OPHN1: variants seen among roughly 807,000 people sequenced by gnomAD.
OPHN1 encodes the protein oligophrenin 1, also known as oligophrenin-1.
A neutral mutation model predicts 60.7 loss-of-function variants in OPHN1; 11 were observed. The ratio of observed to expected loss-of-function variants is 0.18; its 90% CI spans 0.11 to 0.30. OPHN1 has a LOEUF of 0.30. OPHN1 is among the 10% of genes least tolerant of loss of function. The pLI is 1.00. For missense variants in OPHN1, 449 were observed against 611.0 expected (o/e 0.73, Z 2.80); for synonymous variants, 226 against 222.6 (o/e 1.02, Z -0.14).
chrX:68,186,880 C>T (rs2077464903), intron 15 of OPHN1, among the ~76,000 whole-genome samples: 1 of 111,594 alleles, frequency 9.0e-6, no homozygotes, highest in Admixed American at 9.5e-5. Context: ...CCAAATTACT[C>T]CACAAAGGCC....
intron 15 of OPHN1, among the ~76,000 whole-genome samples, chrX:68,190,626 C>T (rs2077483943): frequency 1.8e-5 from 2 of 111,854 alleles, no homozygotes; most frequent in African/African-American, 6.5e-5. Flanking sequence ...TTGAAGGAGC[C>T]ACTTCAGTCC....
intron 15 of OPHN1, among the ~76,000 whole-genome samples, chrX:68,191,461 G>A (rs1468796124): frequency 8.9e-6 from 1 of 111,984 alleles, no homozygotes; most frequent in Non-Finnish European, 1.9e-5. Context: ...GCATAGAGGT[G>A]CTAGTAAAAA....
chrX:68,290,623 A>C (rs1236041639), intron 3 of OPHN1, among the ~76,000 whole-genome samples: 2 of 108,969 alleles, frequency 1.8e-5, no homozygotes, highest in African/African-American at 6.7e-5. Context: ...GAAAGGGAAA[A>C]AAAAGCGACA....
chrX:68,105,909 A>G (rs771196404), intron 18 of OPHN1, among the ~76,000 whole-genome samples: 53 of 111,083 alleles, frequency 4.8e-4, no homozygotes, highest in African/African-American at 1.7e-3. Flanking sequence ...AAACACCTAT[A>G]AAAGGCCACT....
At chrX:68,166,472 T>G (rs1467714738) in intron 15 of OPHN1, among the ~76,000 whole-genome samples, 2 of 111,449 alleles carry the variant, frequency 1.8e-5, no homozygotes. Context: ...AGGCAGAGGT[T>G]GCAGTGAGCC....
upstream of OPHN1, chrX:68,433,749 G>T: frequency 3.4e-6 from 1 of 297,671 alleles, no homozygotes; most frequent in Non-Finnish European, 5.9e-6. Flanking sequence ...GCAATGAAAC[G>T]TAGCCTCGCT....
At chrX:68,079,981 T>C (rs776282774) in intron 19 of OPHN1, among the ~76,000 whole-genome samples, 1 of 111,715 alleles carries the variant, frequency 9.0e-6, no homozygotes, top group East Asian at 2.8e-4. Context: ...TGTCTCTCTA[T>C]GATTATAATA....
intron 15 of OPHN1, among the ~76,000 whole-genome samples, chrX:68,138,603 C>G (rs757912708): frequency 4.5e-5 from 5 of 111,826 alleles, no homozygotes; most frequent in Non-Finnish European, 7.5e-5. Context: ...CTGGCTATAC[C>G]GTACAAGACA....
intron 2 of OPHN1, among the ~76,000 whole-genome samples, chrX:68,356,883 A>G (rs2078443702): frequency 1.8e-5 from 2 of 111,594 alleles, no homozygotes; most frequent in South Asian, 3.8e-4. Flanking sequence ...CCAGTCACGA[A>G]AAACCTCGTG....
rs2078893204 is a variant in OPHN1, at chrX:68,432,943, C to G, written c.78G>C (p.Glu26Asp). The change falls in exon 2 of 25, where the codon GAG becomes GAC. Residue 26 changes from glutamate to aspartate, a missense_variant. Glu to Asp is a conservative substitution (Grantham distance 45, BLOSUM62 2). Transcript: ENST00000355520. ...ATTTGTTGGTCCTCTCCAGTTCCTG[C>G]TCATAACACTTGAGCCTCTCGCGGA... Reference protein sequence around the residue: ...PDFRERLKCYEQELERTNKFI... With the variant: ...PDFRERLKCYDQELERTNKFI... 1 of 1,210,264 alleles carries G rather than the reference C, an allele frequency of 8.3e-7. No individual in the cohort carries two copies. Among genetic ancestry groups the G allele is most frequent in the Non-Finnish European group, 1.1e-6 (1 of 894,965 alleles).
intron 5 of OPHN1, among the ~76,000 whole-genome samples, chrX:68,248,734 G>C (rs951646515): frequency 1.8e-5 from 2 of 112,223 alleles, no homozygotes; most frequent in East Asian, 5.6e-4. Flanking sequence ...AATGTAGTAT[G>C]TGTACACAGT....
intron 14 of OPHN1, 77 bp from the exon 15 acceptor site, chrX:68,193,070 T>C: frequency 1.3e-6 from 1 of 762,579 alleles, no homozygotes; most frequent in Non-Finnish European, 2.0e-6. Context: ...CTAGGGTCAA[T>C]TCAGATAGGA....
intron 15 of OPHN1, among the ~76,000 whole-genome samples, chrX:68,153,453 C>T (rs1436835804): frequency 2.7e-5 from 3 of 111,127 alleles, no homozygotes; most frequent in Non-Finnish European, 3.8e-5. Context: ...AGTTAGACCA[C>T]CAGATACCCT....
At chrX:68,284,237 T>C (rs1330724227) in intron 3 of OPHN1, among the ~76,000 whole-genome samples, 3 of 110,783 alleles carry the variant, frequency 2.7e-5, no homozygotes, top group Non-Finnish European at 5.7e-5. Context: ...AGCCTTCTGC[T>C]TGAGGGTTTA....
chrX:68,298,289 C>T (rs913117868), intron 3 of OPHN1, among the ~76,000 whole-genome samples: 7 of 111,820 alleles, frequency 6.3e-5, no homozygotes, highest in Non-Finnish European at 1.3e-4. Context: ...CCATAGAAAA[C>T]GCTTAAATAA....
At chrX:68,056,866 G>C (rs764691826) in intron 21 of OPHN1, among the ~76,000 whole-genome samples, 1 of 111,181 alleles carries the variant, frequency 9.0e-6, no homozygotes, top group South Asian at 3.9e-4. Flanking sequence ...CTGCTGTTTT[G>C]TTATCATTGG....
Position 68,132,219 on chromosome X carries a change from A to C in OPHN1, c.1277-12887T>G, listed in dbSNP as rs765868289. Among the ~76,000 whole-genome samples the C allele has an allele frequency of 2.7e-5, 3 of 109,125 alleles. No individual in the cohort carries two copies. The East Asian group carries it at 8.7e-4, about 32-fold the overall frequency. The allele number at this position is 109,125 out of a possible 115,157, so 94.8% of individuals were successfully genotyped here. Reference sequence around the variant, plus strand: ...ACTGGGTATATACCCAAATGACTATAAATCATGCTGCTATAAAGACACATG... The same window carrying C: ...ACTGGGTATATACCCAAATGACTATCAATCATGCTGCTATAAAGACACATG... On this transcript the variant is annotated intron_variant, in intron 15 of 24. Transcript: ENST00000355520.
chrX:68,363,913 C>G (rs773759989), intron 2 of OPHN1, among the ~76,000 whole-genome samples: 2 of 110,806 alleles, frequency 1.8e-5, no homozygotes, highest in African/African-American at 6.6e-5. Context: ...CTAGAGGGTT[C>G]ATTATATTAA....
At chrX:68,313,532 G>A (rs1272961360) in intron 2 of OPHN1, among the ~76,000 whole-genome samples, 1 of 111,936 alleles carries the variant, frequency 8.9e-6, no homozygotes, top group South Asian at 3.8e-4. Flanking sequence ...ATGAAATCCT[G>A]TCATTTCCAA....
Sources: allele counts gnomAD v4.1 joint callset (sites outside exome capture counted in the v4.1 genomes callset), GRCh38; gene constraint gnomAD v4.1.1; transcripts MANE v1.5; gene names NCBI Gene and HGNC (gene_info 2026-07-23, HGNC 2026-07-21).